The following HMGN5 variants were observed in gnomAD, a reference collection of about 807,000 sequenced individuals.
The protein encoded by HMGN5 is high mobility group nucleosome binding domain 5.
In HMGN5, 4 loss-of-function variants were observed where a neutral mutation model predicts 9.5. That is an observed-to-expected ratio of 0.42 (90% CI 0.21 to 0.96). HMGN5 has a LOEUF of 0.96. Ranked by LOEUF, HMGN5 falls within the 40% of genes least tolerant of loss-of-function variation. HMGN5 has a pLI of 0.30. For missense variants in HMGN5, 192 were observed against 187.5 expected (o/e 1.02, Z -0.14); for synonymous variants, 55 against 57.1 (o/e 0.96, Z 0.16).
At chrX:81,172,109 G>A (rs988045931) in intron 1 of HMGN5, among the ~76,000 whole-genome samples, 1 of 110,694 alleles carries the variant, frequency 9.0e-6, no homozygotes, top group African/African-American at 3.3e-5. Context: ...TGAGGAGGCT[G>A]TAAATCCATT....
At chrX:81,141,351 T>G (rs1361649781) in intron 1 of HMGN5, among the ~76,000 whole-genome samples, 1 of 110,983 alleles carries the variant, frequency 9.0e-6, no homozygotes, top group Non-Finnish European at 1.9e-5. Context: ...TTGCAAGCTT[T>G]GGGAGAGACC....
At position 81,188,289 on chromosome X, in the gene HMGN5, A is replaced by ATTATTATTC. The variant is rs2075483414; in HGVS notation, c.-124+13447_-124+13448insGAATAATAA. On this transcript the variant is annotated intron_variant, in intron 1 of 6. Transcript: ENST00000358130. Reference sequence around the variant, plus strand: ...TATTATTATTATTATTATTATTATTATTATTATTATTATTGTTATTGTACT... The same window carrying ATTATTATTC: ...TATTATTATTATTATTATTATTATTATTATTATTCTTATTATTATTATTGTTATTGTACT... Among the ~76,000 whole-genome samples, 4 of 102,609 alleles carry ATTATTATTC rather than the reference A, an allele frequency of 3.9e-5. No individual in the cohort carries two copies. The South Asian group carries it at 1.8e-3, about 45-fold the overall frequency. 89.1% of individuals were successfully genotyped at this position (102,609 alleles called of 115,157 possible).
chrX:81,153,490 G>T (rs370077234), intron 1 of HMGN5, among the ~76,000 whole-genome samples: 4 of 94,872 alleles, frequency 4.2e-5, no homozygotes, highest in Admixed American at 1.2e-4. Flanking sequence ...GGAGGCAAAG[G>T]TTGCAGTGAG....
In HMGN5 at chrX:81,116,263, C is replaced by T; in HGVS notation, c.208G>A (p.Ala70Thr). ...AQAVAETKQE[A>T]VVEEDYNENA... Reference sequence around the variant, plus strand: ...TCATTGTAGTCTTCTTCAACAACTGCTTCTTGCTTGGTTTCAGCAACTGCT... The same window carrying T: ...TCATTGTAGTCTTCTTCAACAACTGTTTCTTGCTTGGTTTCAGCAACTGCT... Residue 70 changes from alanine to threonine, a missense_variant, in exon 6 of 7, where the codon GCA becomes ACA. By Grantham distance (58) the Ala-to-Thr change is moderately conservative (BLOSUM62 0). Transcript: ENST00000358130. The T allele has an allele frequency of 8.4e-7, 1 of 1,196,974 alleles. No homozygotes were observed. Among genetic ancestry groups the T allele is most frequent in the African/African-American group, 1.7e-5 (1 of 57,606 alleles).
intron 1 of HMGN5, among the ~76,000 whole-genome samples, chrX:81,161,140 C>G (rs1377554857): frequency 2.7e-5 from 3 of 110,365 alleles, no homozygotes; most frequent in Non-Finnish European, 5.7e-5. Context: ...GAATATTGCC[C>G]ATTGTGTGAA....
intron 1 of HMGN5, among the ~76,000 whole-genome samples, chrX:81,165,345 T>C (rs185367585): frequency 1.8e-5 from 2 of 110,814 alleles, no homozygotes; most frequent in Non-Finnish European, 3.8e-5. Flanking sequence ...ATTTCCCCCA[T>C]ATTTGCCACT....
Position 81,165,474 on chromosome X carries a change from A to T in HMGN5, c.-124+36263T>A, listed in dbSNP as rs1293338579. Among the ~76,000 whole-genome samples the T allele has an allele frequency of 2.7e-5, 3 of 110,276 alleles. No homozygotes were observed. The Admixed American group carries it at 2.9e-4, about 11-fold the overall frequency. On this transcript the variant is annotated intron_variant, in intron 1 of 6. Coordinates refer to ENST00000358130, the MANE Select transcript of HMGN5 (RefSeq NM_030763.3). Reference sequence around the variant, plus strand: ...AGACTGATGATAGATCCTTAACAAAACTCCCCTTACTTGTCTTATACACAT... The same window carrying T: ...AGACTGATGATAGATCCTTAACAAATCTCCCCTTACTTGTCTTATACACAT...
chrX:81,139,044 T>A (rs1000988591), intron 1 of HMGN5, among the ~76,000 whole-genome samples: 9 of 112,312 alleles, frequency 8.0e-5, no homozygotes, highest in African/African-American at 2.6e-4. Context: ...GTCAATTCTC[T>A]CTGAATTGGT....
chrX:81,162,942 T>C (rs750933731), intron 1 of HMGN5, among the ~76,000 whole-genome samples: 8 of 111,580 alleles, frequency 7.2e-5, no homozygotes, highest in Non-Finnish European at 9.4e-5. Context: ...CATGCTCTTT[T>C]GAACATGTGA....
At chrX:81,176,882 C>A (rs963813323) in intron 1 of HMGN5, among the ~76,000 whole-genome samples, 3 of 111,312 alleles carry the variant, frequency 2.7e-5, no homozygotes, top group Non-Finnish European at 5.7e-5. Context: ...AGGAGAACTT[C>A]CCCAACCTAG....
intron 1 of HMGN5, among the ~76,000 whole-genome samples, chrX:81,178,534 C>G (rs892845238): frequency 9.0e-6 from 1 of 111,531 alleles, no homozygotes; most frequent in Admixed American, 9.5e-5. Flanking sequence ...TCTGAATAGA[C>G]CAAAAACAGG....
intron 1 of HMGN5, among the ~76,000 whole-genome samples, chrX:81,166,496 A>T (rs1471891581): frequency 8.9e-6 from 1 of 112,039 alleles, no homozygotes; most frequent in East Asian, 2.8e-4. Flanking sequence ...TTTGTAGAAC[A>T]TGAATCACCA....
chrX:81,165,695 C>G (rs1433486594), intron 1 of HMGN5, among the ~76,000 whole-genome samples: 4 of 111,374 alleles, frequency 3.6e-5, no homozygotes, highest in Non-Finnish European at 5.7e-5. Flanking sequence ...TATAGTCTCT[C>G]TATGAATAGA....
chrX:81,114,967 T>C lies in HMGN5; in HGVS notation c.531A>G (p.Lys177=), dbSNP rs1442324748. 8.6e-6 allele frequency: 10 copies of C among 1,157,309 alleles called. No individual in the cohort carries two copies. Among genetic ancestry groups the C allele is most frequent in the Non-Finnish European group, 1.0e-5 (9 of 870,611 alleles). The change falls in exon 7 of 7, where the codon AAA becomes AAG. Residue 177 remains lysine (K), a synonymous_variant. Transcript: ENST00000358130. ...GEDAKEKEDG[K]KGEDGKGNGE... is the part of the protein sequence containing the mutation. ...CATTTCCTTTTCCGTCTTCACCTTT[T>C]TTTCCATCTTCTTTCTCTTTTGCAT...
chrX:81,131,996 G>A (rs2075298669), intron 1 of HMGN5, among the ~76,000 whole-genome samples: 1 of 111,644 alleles, frequency 9.0e-6, no homozygotes, highest in African/African-American at 3.3e-5. Context: ...TACTTAAACT[G>A]ATAAGCAACT....
chrX:81,145,096 C>A (rs5959078), intron 1 of HMGN5, among the ~76,000 whole-genome samples: 2,071 of 111,903 alleles, frequency 0.019, 42 homozygotes, highest in African/African-American at 0.063. Context: ...TCCGGGAGAA[C>A]TTCCCCAATC....
intron 1 of HMGN5, among the ~76,000 whole-genome samples, chrX:81,127,907 C>G (rs1025103226): frequency 9.0e-6 from 1 of 110,958 alleles, no homozygotes; most frequent in Non-Finnish European, 1.9e-5. Context: ...GGCTCTTCAA[C>G]AAAGGTATTA....
chrX:81,153,635 A>G (rs1433884692), intron 1 of HMGN5, among the ~76,000 whole-genome samples: 9 of 44,556 alleles, frequency 2.0e-4, no homozygotes, highest in Admixed American at 5.6e-4. Flanking sequence ...ATATATATAT[A>G]TATATGTATC....
intron 1 of HMGN5, among the ~76,000 whole-genome samples, chrX:81,188,334 G>A (rs944174770): frequency 3.8e-5 from 4 of 106,355 alleles, no homozygotes; most frequent in African/African-American, 1.4e-4. Flanking sequence ...TTGCTACACT[G>A]CCCAGGCTGG....
Sources: allele counts gnomAD v4.1 joint callset (sites outside exome capture counted in the v4.1 genomes callset), GRCh38; gene constraint gnomAD v4.1.1; transcripts MANE v1.5; gene names NCBI Gene and HGNC (gene_info 2026-07-23, HGNC 2026-07-21).